UGT1A10: variants seen among roughly 807,000 people sequenced by gnomAD.
The protein encoded by UGT1A10 is UDP-glucuronosyltransferase 1A10.
Under a neutral mutation model 45.8 loss-of-function variants are expected in UGT1A10, and 49 were observed. The ratio of observed to expected loss-of-function variants is 1.07; its 90% CI spans 0.85 to 1.36. The LOEUF is 1.36. UGT1A10 is among the 40% of genes most tolerant of loss of function. The pLI is 0.00. For synonymous variants in UGT1A10, 284 were observed against 249.7 expected, an observed-to-expected ratio of 1.14 and a Z score of -1.29; for missense variants, 745 against 668.6, an observed-to-expected ratio of 1.11 and a Z score of -1.26.
At chr2:233,764,822 A>G (rs963945721) in intron 1 of UGT1A10, among the ~76,000 whole-genome samples, 3 of 152,082 alleles carry the variant, frequency 2.0e-5, no homozygotes, top group Non-Finnish European at 4.4e-5. Flanking sequence ...AAAATGCAGC[A>G]TGGTGGTGGG....
chr2:233,683,575 C>T (rs1414087117), intron 1 of UGT1A10, among the ~76,000 whole-genome samples: 1 of 152,106 alleles, frequency 6.6e-6, no homozygotes, highest in Non-Finnish European at 1.5e-5. Flanking sequence ...TTACATCTTC[C>T]TACTCAAGAA....
At chr2:233,739,325 C>T (rs894619424) in intron 1 of UGT1A10, among the ~76,000 whole-genome samples, 5 of 152,154 alleles carry the variant, frequency 3.3e-5, no homozygotes, top group African/African-American at 1.2e-4. Flanking sequence ...GAGAAGAAGG[C>T]CACAGTCCTT....
At chr2:233,758,862 T>C (rs1697002343) in intron 1 of UGT1A10, among the ~76,000 whole-genome samples, 2 of 152,226 alleles carry the variant, frequency 1.3e-5, no homozygotes. Flanking sequence ...GGCTGCACAA[T>C]ACTTGCCCCA....
intron 1 of UGT1A10, among the ~76,000 whole-genome samples, chr2:233,732,370 CTA>C (rs2078265306): frequency 6.6e-6 from 1 of 152,226 alleles, no homozygotes; most frequent in African/African-American, 2.4e-5. Context: ...TGGCCCATGC[CTA>C]TGTCTTCTAG....
intron 1 of UGT1A10, among the ~76,000 whole-genome samples, chr2:233,724,528 C>T (rs1239231307): frequency 1.8e-5 from 2 of 112,842 alleles, no homozygotes; most frequent in Admixed American, 1.7e-4. Flanking sequence ...GATGGGGTCT[C>T]GCCGGGCAGA....
intron 1 of UGT1A10, among the ~76,000 whole-genome samples, chr2:233,658,671 A>G (rs552160502): frequency 6.6e-6 from 1 of 152,358 alleles, no homozygotes; most frequent in South Asian, 2.1e-4. Context: ...AAGTAAGACC[A>G]CAAAGGTAAT....
chr2:233,768,643 G>T (rs1699688311), intron 4 of UGT1A10, among the ~76,000 whole-genome samples: 1 of 136,596 alleles, frequency 7.3e-6, no homozygotes. Context: ...CTGGAGTGCA[G>T]TGGTGCAATC....
chr2:233,682,031 C>A lies in UGT1A10; in HGVS notation c.855+44654C>A, dbSNP rs145424374. The A allele has an allele frequency of 6.2e-6, 10 of 1,613,956 alleles. No homozygotes were observed. The highest frequency in any genetic ancestry group is 2.7e-5 in the African/African-American group (2 of 74,898). On this transcript the variant is annotated intron_variant, in intron 1 of 4. Transcript: ENST00000344644. Reference sequence around the variant, plus strand: ...CAAGGCAGGGAAGCTGCTGGTAGTGCCCATGGATGGGAGCCACTGGTTCAC... The same window carrying A: ...CAAGGCAGGGAAGCTGCTGGTAGTGACCATGGATGGGAGCCACTGGTTCAC...
intron 1 of UGT1A10, among the ~76,000 whole-genome samples, chr2:233,734,104 A>T (rs1173344990): frequency 6.6e-6 from 1 of 151,308 alleles, no homozygotes; most frequent in African/African-American, 2.4e-5. Context: ...CTTAAAGTAT[A>T]ATAATAATAA....
chr2:233,682,502 T>C lies in UGT1A10; in HGVS notation c.855+45125T>C, dbSNP rs773379672. On this transcript the variant is annotated intron_variant, in intron 1 of 4. Transcript: ENST00000344644. Reference sequence around the variant, plus strand: ...TGCACAGTGCCCTGCTCCTCTTTCCTATGTCCCCAGACTTCTCTTAGGGTT... The same window carrying C: ...TGCACAGTGCCCTGCTCCTCTTTCCCATGTCCCCAGACTTCTCTTAGGGTT... 2.2e-5 allele frequency: 35 copies of C among 1,613,870 alleles called. No individual in the cohort carries two copies. Among genetic ancestry groups the C allele is most frequent in the Non-Finnish European group, 2.9e-5 (34 of 1,179,872 alleles).
chr2:233,646,168 A>G (rs902170037), intron 1 of UGT1A10, among the ~76,000 whole-genome samples: 3 of 152,202 alleles, frequency 2.0e-5, no homozygotes, highest in African/African-American at 4.8e-5. Flanking sequence ...TTTTGGACAC[A>G]GCTGGAGCAG....
chr2:233,656,585 G>A (rs2073858785), intron 1 of UGT1A10, among the ~76,000 whole-genome samples: 2 of 152,176 alleles, frequency 1.3e-5, no homozygotes, highest in South Asian at 4.1e-4. Flanking sequence ...GCCTGGCGTG[G>A]TTTGAGGTCT....
intron 1 of UGT1A10, among the ~76,000 whole-genome samples, chr2:233,654,900 T>C (rs2073822265): frequency 6.6e-6 from 1 of 152,210 alleles, no homozygotes; most frequent in African/African-American, 2.4e-5. Context: ...GAGATCAGTC[T>C]GGCCAACATG....
chr2:233,759,453 T>C (rs1697142782), intron 1 of UGT1A10, among the ~76,000 whole-genome samples: 1 of 152,190 alleles, frequency 6.6e-6, no homozygotes, highest in Non-Finnish European at 1.5e-5. Context: ...CAGGCCCAGT[T>C]AGCCACTCAA....
At chr2:233,665,148 T>C (rs1457583854) in intron 1 of UGT1A10, among the ~76,000 whole-genome samples, 1 of 152,216 alleles carries the variant, frequency 6.6e-6, no homozygotes, top group Non-Finnish European at 1.5e-5. Context: ...TTACTTTGCA[T>C]TTTTCATTTG....
At chr2:233,687,024 T>A (rs1274235923) in intron 1 of UGT1A10, among the ~76,000 whole-genome samples, 1 of 152,198 alleles carries the variant, frequency 6.6e-6, no homozygotes, top group Non-Finnish European at 1.5e-5. Flanking sequence ...AGGAGGTGGT[T>A]CAATGTAGTG....
intron 1 of UGT1A10, chr2:233,740,934 T>G (rs1244691991): frequency 6.6e-6 from 1 of 151,802 alleles, no homozygotes; most frequent in East Asian, 1.9e-4. Flanking sequence ...AAAGTTTTTT[T>G]TTTAATTAGC....
intron 3 of UGT1A10, 51 bp from the exon 4 acceptor site, chr2:233,768,169 T>G: frequency 1.9e-6 from 3 of 1,613,804 alleles, no homozygotes; most frequent in Non-Finnish European, 2.5e-6. Context: ...TGTGTCCAGC[T>G]GTGAAACTCA....
chr2:233,719,172 A>G, intron 1 of UGT1A10: 2 of 1,614,250 alleles, frequency 1.2e-6, no homozygotes, highest in Non-Finnish European at 1.7e-6. Flanking sequence ...GGCAATTATG[A>G]ACAATGTATC....
Sources: gnomAD v4.1 joint callset for allele counts (sites outside exome capture counted in the v4.1 genomes callset) on GRCh38, gnomAD v4.1.1 for gene constraint, MANE v1.5 for transcripts, NCBI Gene and HGNC (gene_info 2026-07-23, HGNC 2026-07-21) for gene names.